Variants in XKR6 observed in about 807,000 individuals in gnomAD.
XKR6 encodes the protein XK-related protein 6.
In XKR6, 22 loss-of-function variants were observed where a neutral mutation model predicts 56.7. That is an observed-to-expected ratio of 0.39 (90% confidence interval 0.28 to 0.55). XKR6 has a LOEUF of 0.55. Ranked by LOEUF, XKR6 falls within the 20% of genes least tolerant of loss-of-function variation. XKR6 has a pLI of 0.66. For missense variants in XKR6, 852 were observed against 889.0 expected (o/e 0.96, Z 0.53); for synonymous variants, 524 against 387.8 (o/e 1.35, Z -4.13).
chr8:10,900,734 C>T (rs1314028782), intron 2 of XKR6, among the ~76,000 whole-genome samples: 2 of 152,134 alleles, frequency 1.3e-5, no homozygotes, highest in East Asian at 3.9e-4. Context: ...AGTGGCTGCA[C>T]ATGGTTGGTC....
At chr8:11,013,045 A>C (rs1284960061) in intron 1 of XKR6, among the ~76,000 whole-genome samples, 1 of 152,170 alleles carries the variant, frequency 6.6e-6, no homozygotes, top group African/African-American at 2.4e-5. Context: ...AGGCCCAGGG[A>C]GGGGAAGTGA....
chr8:10,927,406 G>T (rs1220905796), intron 1 of XKR6, among the ~76,000 whole-genome samples: 3 of 152,102 alleles, frequency 2.0e-5, no homozygotes, highest in African/African-American at 7.2e-5. Context: ...CACAAGCCAT[G>T]AGCCACAGAT....
chr8:10,943,314 A>T (rs1801441480), intron 1 of XKR6, among the ~76,000 whole-genome samples: 1 of 152,184 alleles, frequency 6.6e-6, no homozygotes, highest in East Asian at 1.9e-4. Context: ...TTGACAGATG[A>T]GGAAGCTGAG....
chr8:10,933,071 T>A (rs1208908451), intron 1 of XKR6, among the ~76,000 whole-genome samples: 1 of 151,970 alleles, frequency 6.6e-6, no homozygotes, highest in Non-Finnish European at 1.5e-5. Flanking sequence ...ATTTCCTGAC[T>A]TTTTAATGAT....
intron 1 of XKR6, among the ~76,000 whole-genome samples, chr8:11,121,616 A>G (rs1198953073): frequency 6.6e-6 from 1 of 152,232 alleles, no homozygotes; most frequent in Non-Finnish European, 1.5e-5. Context: ...CCATTGTGGA[A>G]GTCAGTGTGG....
chr8:11,189,990 C>G (rs1803464855), intron 1 of XKR6, among the ~76,000 whole-genome samples: 1 of 152,056 alleles, frequency 6.6e-6, no homozygotes, highest in Non-Finnish European at 1.5e-5. Context: ...AACACTTTCT[C>G]TACTAAAAGT....
intron 1 of XKR6, among the ~76,000 whole-genome samples, chr8:10,977,284 G>C (rs1263101789): frequency 6.6e-6 from 1 of 152,036 alleles, no homozygotes; most frequent in Non-Finnish European, 1.5e-5. Flanking sequence ...GAAAGCCCTA[G>C]AACCCATGCC....
At chr8:11,052,792 G>C (rs901899933) in intron 1 of XKR6, among the ~76,000 whole-genome samples, 3 of 151,548 alleles carry the variant, frequency 2.0e-5, no homozygotes, top group Non-Finnish European at 2.9e-5. Flanking sequence ...GAAAGCTTGG[G>C]GACCTCTAGA....
At chr8:11,041,949 A>G (rs1013196678) in intron 1 of XKR6, among the ~76,000 whole-genome samples, 1 of 152,194 alleles carries the variant, frequency 6.6e-6, no homozygotes, top group Non-Finnish European at 1.5e-5. Context: ...ACACACCCAC[A>G]CTCATTGTAC....
At chr8:11,137,521 GGCAACTGCTGCGGTAT>G (rs1800466018) in intron 1 of XKR6, 1 of 455,664 alleles carries the variant, frequency 2.2e-6, no homozygotes, top group Non-Finnish European at 4.4e-6. Flanking sequence ...GAGACGGCCA[GGCAACTGCTGCGGTAT>G]ACCCATCACC....
chr8:10,999,565 AG>A (rs1419426360), intron 1 of XKR6, among the ~76,000 whole-genome samples: 1 of 152,234 alleles, frequency 6.6e-6, no homozygotes, highest in Non-Finnish European at 1.5e-5. Context: ...TCAGAAAAGA[AG>A]GGTTTGGTCA....
chr8:10,915,773 A>C (rs1315788018), intron 2 of XKR6, among the ~76,000 whole-genome samples: 1 of 152,236 alleles, frequency 6.6e-6, no homozygotes, highest in African/African-American at 2.4e-5. Flanking sequence ...TGAGAGGAGA[A>C]ACACAGAGCT....
rs1563215808 is a variant in XKR6, at chr8:11,200,194, G to T, written c.764+382C>A. Among the ~76,000 whole-genome samples, 1 of 152,222 alleles carries T rather than the reference G, an allele frequency of 6.6e-6. No homozygotes were observed. The highest frequency in any genetic ancestry group is 2.4e-5 in the African/African-American group (1 of 41,472). ...ACAAACCCGAATGCAGCGGCTGGAG[G>T]AGGGAAGGCTCCCCGGGGCCGCGAG... On this transcript the variant is annotated intron_variant, in intron 1 of 2. Transcript: ENST00000416569. The surrounding 1 kb of genome is among the most constrained non-coding windows in gnomAD (Gnocchi z 6.4).
chr8:11,049,999 C>T (rs1799505075), intron 1 of XKR6, among the ~76,000 whole-genome samples: 1 of 152,206 alleles, frequency 6.6e-6, no homozygotes, highest in Non-Finnish European at 1.5e-5. Context: ...CATATTGCTG[C>T]AACCACAGAG....
intron 2 of XKR6, among the ~76,000 whole-genome samples, chr8:10,909,258 C>G (rs1800280819): frequency 6.6e-6 from 1 of 152,168 alleles, no homozygotes; most frequent in Non-Finnish European, 1.5e-5. Context: ...GAGGCTCTCA[C>G]CAGATGCAGC....
At chr8:10,926,775 C>T (rs907938919) in intron 1 of XKR6, among the ~76,000 whole-genome samples, 5 of 152,254 alleles carry the variant, frequency 3.3e-5, no homozygotes, top group African/African-American at 1.2e-4. Flanking sequence ...CTGACTGTGG[C>T]ATTTCCACTA....
chr8:10,962,967 C>G (rs1481684238), intron 1 of XKR6, among the ~76,000 whole-genome samples: 1 of 152,174 alleles, frequency 6.6e-6, no homozygotes, highest in Non-Finnish European at 1.5e-5. Flanking sequence ...AGTTGTGGCC[C>G]CTTTTTGAAT....
chr8:11,108,706 T>C (rs953575649), intron 1 of XKR6: 2 of 200,316 alleles, frequency 1.0e-5, no homozygotes, highest in East Asian at 3.2e-4. Context: ...TGATGCTCCA[T>C]TCCAAGGCGA....
chr8:11,173,671 G>A (rs1235483693), intron 1 of XKR6, among the ~76,000 whole-genome samples: 1 of 152,206 alleles, frequency 6.6e-6, no homozygotes, highest in African/African-American at 2.4e-5. Context: ...CACTGTGAGG[G>A]AGCAGTTGTT....
Sources: gnomAD v4.1 joint callset for allele counts (sites outside exome capture counted in the v4.1 genomes callset) on GRCh38, gnomAD v4.1.1 for gene constraint, Gnocchi (gnomAD v3.1) non-coding constraint, MANE v1.5 for transcripts, NCBI Gene and HGNC (gene_info 2026-07-23, HGNC 2026-07-21) for gene names.